The following CCSER1 variants were observed in gnomAD, a reference collection of about 807,000 sequenced individuals.
The protein encoded by CCSER1 is coiled-coil serine rich protein 1, also known as serine-rich coiled-coil domain-containing protein 1.
A neutral mutation model predicts 82.0 loss-of-function variants in CCSER1; 41 were observed. The observed-to-expected ratio is 0.50, with a 90% CI of 0.39 to 0.65. The LOEUF (loss-of-function observed/expected upper bound fraction) is 0.65, where lower values mean the gene tolerates loss of function less well. Ranked by LOEUF, CCSER1 falls within the 30% of genes least tolerant of loss-of-function variation. The pLI is 0.00. For synonymous variants in CCSER1, 414 were observed against 383.9 expected (o/e 1.08, Z -0.92); for missense variants, 1,119 against 1,064.2 (o/e 1.05, Z -0.72).
intron 8 of CCSER1, among the ~76,000 whole-genome samples, chr4:90,891,302 T>G (rs1372413530): frequency 6.6e-6 from 1 of 151,726 alleles, no homozygotes; most frequent in East Asian, 1.9e-4. Flanking sequence ...AAGTGGCTAA[T>G]CAAATATATT....
chr4:90,591,037 G>A (rs2148689745), intron 5 of CCSER1, among the ~76,000 whole-genome samples: 1 of 152,164 alleles, frequency 6.6e-6, no homozygotes, highest in Admixed American at 6.5e-5. Flanking sequence ...TGTATTCCTA[G>A]GTATTTTATT....
chr4:91,049,039 A>C (rs1742766700), intron 9 of CCSER1, among the ~76,000 whole-genome samples: 1 of 152,158 alleles, frequency 6.6e-6, no homozygotes, highest in African/African-American at 2.4e-5. Context: ...AAAGACTAAC[A>C]ATTGACCTTA....
chr4:90,319,528 G>A (rs1736749076), intron 3 of CCSER1, among the ~76,000 whole-genome samples: 1 of 152,136 alleles, frequency 6.6e-6, no homozygotes, highest in East Asian at 1.9e-4. Flanking sequence ...GCACGCGCCT[G>A]TAGTCCCAGC....
intron 10 of CCSER1, among the ~76,000 whole-genome samples, chr4:91,441,544 C>T (rs1755149488): frequency 1.3e-5 from 2 of 152,240 alleles, no homozygotes; most frequent in Middle Eastern, 3.4e-3. Flanking sequence ...GGAAGCATTC[C>T]CTTTGAAAAC....
chr4:91,215,078 C>T (rs1415435037), intron 10 of CCSER1, among the ~76,000 whole-genome samples: 1 of 151,934 alleles, frequency 6.6e-6, no homozygotes, highest in Non-Finnish European at 1.5e-5. Context: ...TAAAGGGTAT[C>T]CAGTGTACTT....
At chr4:90,442,495 T>G (rs1760035577) in intron 4 of CCSER1, among the ~76,000 whole-genome samples, 1 of 152,138 alleles carries the variant, frequency 6.6e-6, no homozygotes, top group South Asian at 2.1e-4. Flanking sequence ...GAGGAGAAGT[T>G]GAGGAAAGAG....
At chr4:90,852,477 G>A (rs903748407) in intron 8 of CCSER1, among the ~76,000 whole-genome samples, 7 of 152,226 alleles carry the variant, frequency 4.6e-5, no homozygotes, top group African/African-American at 1.7e-4. Flanking sequence ...AAGCCATGGT[G>A]CTGCAGAAGC....
At chr4:91,073,583 G>A (rs1210497083) in intron 9 of CCSER1, among the ~76,000 whole-genome samples, 1 of 151,830 alleles carries the variant, frequency 6.6e-6, no homozygotes, top group Non-Finnish European at 1.5e-5. Flanking sequence ...CAATATAATT[G>A]GAAATTGAAA....
intron 10 of CCSER1, among the ~76,000 whole-genome samples, chr4:91,230,185 A>G (rs572322271): frequency 8.5e-5 from 13 of 152,250 alleles, no homozygotes; most frequent in African/African-American, 3.1e-4. Flanking sequence ...ACTATACCAC[A>G]TAACCGAATA....
chr4:90,188,608 C>T (rs1735057498), intron 1 of CCSER1, among the ~76,000 whole-genome samples: 2 of 151,844 alleles, frequency 1.3e-5, no homozygotes. Context: ...CAACTAGAAA[C>T]TATAGTTTTG....
intron 10 of CCSER1, among the ~76,000 whole-genome samples, chr4:91,139,844 T>C (rs1182922134): frequency 6.6e-6 from 1 of 152,206 alleles, no homozygotes; most frequent in Non-Finnish European, 1.5e-5. Flanking sequence ...TGTATAGATA[T>C]GCCAAGTACT....
chr4:91,569,307 A>C (rs560564942), intron 10 of CCSER1, among the ~76,000 whole-genome samples: 31 of 151,746 alleles, frequency 2.0e-4, no homozygotes, highest in East Asian at 7.8e-4. Flanking sequence ...GCAACTTGAC[A>C]CTCTGGGCTG....
At chr4:90,721,991 G>A (rs1742762841) in intron 6 of CCSER1, among the ~76,000 whole-genome samples, 1 of 151,560 alleles carries the variant, frequency 6.6e-6, no homozygotes, top group Non-Finnish European at 1.5e-5. Context: ...GACATTCAAA[G>A]AATCAGTGTT....
At chr4:91,245,321 C>T (rs116802198) in intron 10 of CCSER1, among the ~76,000 whole-genome samples, 3 of 152,102 alleles carry the variant, frequency 2.0e-5, no homozygotes, top group South Asian at 4.1e-4. Flanking sequence ...AGGTTTAACT[C>T]GAAGAAGACT....
intron 9 of CCSER1, among the ~76,000 whole-genome samples, chr4:90,956,656 A>C (rs1463832536): frequency 6.6e-6 from 1 of 152,154 alleles, no homozygotes; most frequent in Non-Finnish European, 1.5e-5. Flanking sequence ...ATATGTAAAT[A>C]AGCAATTAAC....
intron 10 of CCSER1, among the ~76,000 whole-genome samples, chr4:91,322,861 G>A (rs1746289864): frequency 6.6e-6 from 1 of 152,044 alleles, no homozygotes; most frequent in African/African-American, 2.4e-5. Flanking sequence ...TAAGAAAAGG[G>A]GCTTTTTGAT....
At chr4:90,833,077 C>T (rs1761335262) in intron 8 of CCSER1, among the ~76,000 whole-genome samples, 1 of 152,118 alleles carries the variant, frequency 6.6e-6, no homozygotes, top group African/African-American at 2.4e-5. Context: ...AGACTTGAGA[C>T]TGGGTAATTT....
At chr4:90,278,053 A>G (rs1728159607) in intron 1 of CCSER1, among the ~76,000 whole-genome samples, 1 of 152,150 alleles carries the variant, frequency 6.6e-6, no homozygotes. Flanking sequence ...GAAGACTTAC[A>G]ATGGACCCAC....
intron 5 of CCSER1, among the ~76,000 whole-genome samples, chr4:90,526,999 G>A (rs999159782): frequency 1.8e-4 from 28 of 152,284 alleles, no homozygotes; most frequent in African/African-American, 6.5e-4. Flanking sequence ...CAGTGTAAAA[G>A]CATTCCTATT....
Sources: gnomAD v4.1 joint callset for allele counts (sites outside exome capture counted in the v4.1 genomes callset) on GRCh38, gnomAD v4.1.1 for gene constraint, MANE v1.5 for transcripts, NCBI Gene and HGNC (gene_info 2026-07-23, HGNC 2026-07-21) for gene names.